Variants in CHAT observed in about 807,000 individuals in gnomAD.
CHAT encodes acetyl CoA:choline O-acetyltransferase.
In CHAT, 61 loss-of-function variants were observed where a neutral mutation model predicts 76.9. The observed-to-expected ratio is 0.79, with a 90% confidence interval of 0.65 to 0.98. The LOEUF (loss-of-function observed/expected upper bound fraction) is 0.98, where lower values mean the gene tolerates loss of function less well. Among genes scored for constraint, CHAT ranks in the 50% least tolerant of loss-of-function variants. The probability of loss-of-function intolerance (pLI) is 0.00; values close to 1 mark genes in which losing one functional copy is unlikely to be tolerated. For missense variants in CHAT, 946 were observed against 986.9 expected (o/e 0.96, Z 0.56); for synonymous variants, 407 against 397.4 (o/e 1.02, Z -0.29).
chr10:49,661,227 C>T (rs1377574134), intron 13 of CHAT: 1 of 152,210 alleles, frequency 6.6e-6, no homozygotes, highest in Non-Finnish European at 1.5e-5. Flanking sequence ...GCCAAACAAC[C>T]TGTGAACTCA....
At chr10:49,615,273 G>A (rs999670075) in intron 1 of CHAT, among the ~76,000 whole-genome samples, 1 of 152,184 alleles carries the variant, frequency 6.6e-6, no homozygotes, top group African/African-American at 2.4e-5. Context: ...GCCATGCTCC[G>A]GTGAATCCTC....
At chr10:49,636,339 C>T (rs998064120) in intron 7 of CHAT, among the ~76,000 whole-genome samples, 2 of 152,106 alleles carry the variant, frequency 1.3e-5, no homozygotes, top group East Asian at 3.8e-4. Context: ...TTGAACCAGG[C>T]TTGCATCCCT....
intron 5 of CHAT, among the ~76,000 whole-genome samples, 197 bp from the exon 6 acceptor site, chr10:49,625,276 G>C (rs1234356638): frequency 6.6e-6 from 1 of 152,188 alleles, no homozygotes; most frequent in Non-Finnish European, 1.5e-5. Context: ...AACTCTGAGG[G>C]TCTCCACGTG....
chr10:49,653,438 G>GT (rs1839941855), intron 11 of CHAT, among the ~76,000 whole-genome samples: 1 of 152,142 alleles, frequency 6.6e-6, no homozygotes, highest in Non-Finnish European at 1.5e-5. Flanking sequence ...CCTGCTTTCA[G>GT]TTTGCAACTT....
chr10:49,653,435 TCA>T (rs1839941701), intron 11 of CHAT, among the ~76,000 whole-genome samples: 2 of 152,164 alleles, frequency 1.3e-5, no homozygotes, highest in Non-Finnish European at 2.9e-5. Flanking sequence ...CAACCTGCTT[TCA>T]GTTTGCAACT....
Position 49,614,123 on chromosome 10 carries a change from G to A in CHAT, c.-67G>A, listed in dbSNP as rs979123880. On this transcript the variant is annotated 5_prime_UTR_variant, in exon 1 of 15. Coordinates refer to ENST00000337653, the MANE Select transcript of CHAT (RefSeq NM_020549.5). ...CTAAATTTGTTGCCCGAGTTCCTCC[G>A]GGAAGCGCTCCGGGTAGATTCTGGG... The A allele has an allele frequency of 1.7e-5, 26 of 1,546,116 alleles. No individual in the cohort carries two copies. The Admixed American group carries it at 4.1e-4, about 25-fold the overall frequency.
chr10:49,667,080 T>G lies in CHAT; in HGVS notation c.*2034T>G, dbSNP rs1840355209. Among the ~76,000 whole-genome samples, 1 of 152,190 alleles carries G rather than the reference T, an allele frequency of 6.6e-6. No individual in the cohort carries two copies. Among genetic ancestry groups the G allele is most frequent in the Non-Finnish European group, 1.5e-5 (1 of 68,032 alleles). On this transcript the variant is annotated 3_prime_UTR_variant, in exon 15 of 15. Transcript: ENST00000337653. Reference sequence around the variant, plus strand: ...CAAATGAGAACAAGAGTGTCCCCACTTGCAAGACTATGAGGATTGGAGAGC... The same window carrying G: ...CAAATGAGAACAAGAGTGTCCCCACGTGCAAGACTATGAGGATTGGAGAGC...
At chr10:49,647,857 C>T (rs1590608431) in intron 8 of CHAT, 1 of 155,474 alleles carries the variant, frequency 6.4e-6, no homozygotes, top group South Asian at 2.0e-4. Flanking sequence ...TGGGTGCAGC[C>T]CTCTCCACCA....
chr10:49,627,194 G>A lies in CHAT; in HGVS notation c.934-414G>A, dbSNP rs117451264. 7.2e-4 allele frequency among the ~76,000 whole-genome samples: 109 copies of A among 152,322 alleles called. 1 individual carries two copies. The East Asian group carries it at 0.017, about 23-fold the overall frequency. On this transcript the variant is annotated intron_variant, in intron 6 of 14. Transcript: ENST00000337653. ...AACAAGGCCGAGAGGCACATTCCTC[G>A]TGTCTTCCGGTACACACGGGTACGT... is the stretch of plus-strand genomic sequence containing the variant.
upstream of CHAT, chr10:49,612,107 G>A (rs1838315049): frequency 1.9e-6 from 3 of 1,612,910 alleles, no homozygotes; most frequent in Non-Finnish European, 2.5e-6. Flanking sequence ...CTTGGCATGG[G>A]ACTGGCCAAC....
chr10:49,612,211 CAAGGTCT>C (rs1314231947), upstream of CHAT: 1 of 1,609,252 alleles, frequency 6.2e-7, no homozygotes, highest in Non-Finnish European at 8.5e-7. Context: ...TGAGCCACCG[CAAGGTCT>C]GTACGATGCG....
intron 7 of CHAT, among the ~76,000 whole-genome samples, chr10:49,644,728 T>C (rs1369836708): frequency 1.3e-5 from 2 of 152,174 alleles, no homozygotes; most frequent in African/African-American, 2.4e-5. Flanking sequence ...GGAAAGGGGA[T>C]GCATGGGGAC....
At chr10:49,630,518 T>C (rs1251398826) in intron 7 of CHAT, among the ~76,000 whole-genome samples, 1 of 152,046 alleles carries the variant, frequency 6.6e-6, no homozygotes, top group African/African-American at 2.4e-5. Context: ...CAGAAAGAAA[T>C]TGTCGATGAG....
At chr10:49,646,815 G>C in intron 8 of CHAT, 141 bp downstream of exon 8, 1 of 962,416 alleles carries the variant, frequency 1.0e-6, no homozygotes, top group Non-Finnish European at 1.6e-6. Flanking sequence ...CTGCCTAAGA[G>C]GCTGGGTCTG....
intron 13 of CHAT, 62 bp downstream of exon 13, chr10:49,655,510 T>C: frequency 1.3e-6 from 2 of 1,514,284 alleles, no homozygotes; most frequent in Non-Finnish European, 9.2e-7. Context: ...CCTGCCAGAA[T>C]GGGCACCACG....
intron 6 of CHAT, 89 bp downstream of exon 6, chr10:49,625,742 C>A: frequency 7.3e-7 from 1 of 1,367,666 alleles, no homozygotes; most frequent in Non-Finnish European, 1.0e-6. Context: ...GGGGGCTCAG[C>A]CTCCTTCCCT....
At position 49,662,792 on chromosome 10, in the gene CHAT, C is replaced by T. The variant is rs781627020; in HGVS notation, c.1977+10C>T. 8.7e-6 allele frequency: 14 copies of T among 1,614,146 alleles called. No individual in the cohort carries two copies. The East Asian group carries it at 2.0e-4, about 23-fold the overall frequency. On this transcript the variant is annotated intron_variant, in intron 14 of 14. Transcript: ENST00000337653. ...CCTCTCCACTAGCCAGGTACGGCCCCGTGCAGCTATCGCCCAAGAGTAGTG... is the reference window on the plus strand; with the variant it reads ...CCTCTCCACTAGCCAGGTACGGCCCTGTGCAGCTATCGCCCAAGAGTAGTG...
chr10:49,616,452 A>C, intron 1 of CHAT, 50 bp from the exon 2 acceptor site: 3 of 1,417,052 alleles, frequency 2.1e-6, no homozygotes, highest in Non-Finnish European at 3.0e-6. Context: ...AGGGTTTGTG[A>C]CAGGCCTATG....
At chr10:49,618,700 C>T (rs900378716) in intron 2 of CHAT, among the ~76,000 whole-genome samples, 6 of 152,166 alleles carry the variant, frequency 3.9e-5, no homozygotes, top group African/African-American at 9.7e-5. Context: ...GTGGTGAACG[C>T]TGCTGGTGAA....
Sources: allele counts gnomAD v4.1 joint callset (sites outside exome capture counted in the v4.1 genomes callset), GRCh38; gene constraint gnomAD v4.1.1; transcripts MANE v1.5; gene names NCBI Gene and HGNC (gene_info 2026-07-23, HGNC 2026-07-21).